Variants in TSEN15 observed in about 807,000 individuals in gnomAD.
TSEN15 encodes the protein tRNA-splicing endonuclease subunit Sen15.
TSEN15 carries 10 observed loss-of-function variants against 20.5 expected under a neutral mutation model. That is an observed-to-expected ratio of 0.49 (90% CI 0.30 to 0.83). The LOEUF is 0.83. Among genes scored for constraint, TSEN15 ranks in the 40% least tolerant of loss-of-function variants. The pLI is 0.06. For missense variants in TSEN15, 180 were observed against 218.6 expected (o/e 0.82, Z 1.11); for synonymous variants, 72 against 80.1 (o/e 0.90, Z 0.54).
chr1:184,082,288 T>A (rs1456805416), intron 3 of TSEN15, among the ~76,000 whole-genome samples: 1 of 152,152 alleles, frequency 6.6e-6, no homozygotes, highest in Non-Finnish European at 1.5e-5. Flanking sequence ...GGGTCTCTCA[T>A]GACTTTTTCT....
At chr1:184,053,151 G>T (rs1294257965) in intron 1 of TSEN15, among the ~76,000 whole-genome samples, 1 of 151,986 alleles carries the variant, frequency 6.6e-6, no homozygotes, top group Non-Finnish European at 1.5e-5. Flanking sequence ...CAAGTTAATG[G>T]CTGTATACAC....
chr1:184,086,921 G>A (rs1237227702), intron 3 of TSEN15, among the ~76,000 whole-genome samples: 1 of 152,110 alleles, frequency 6.6e-6, no homozygotes, highest in Non-Finnish European at 1.5e-5. Flanking sequence ...TTTTGAAAGG[G>A]GGGAGTATCA....
At chr1:184,083,367 A>G (rs1265136245) in intron 3 of TSEN15, among the ~76,000 whole-genome samples, 1 of 152,240 alleles carries the variant, frequency 6.6e-6, no homozygotes, top group African/African-American at 2.4e-5. Flanking sequence ...GTTCTGAGAA[A>G]TCAAAATAAG....
chr1:184,077,811 ATTG>A (rs1371436778), downstream of TSEN15, among the ~76,000 whole-genome samples: 1 of 152,180 alleles, frequency 6.6e-6, no homozygotes, highest in African/African-American at 2.4e-5. Flanking sequence ...ATGTAAATGG[ATTG>A]TTATAATTTC....
chr1:184,070,692 A>G, intron 3 of TSEN15: 1 of 1,285,466 alleles, frequency 7.8e-7, no homozygotes, highest in South Asian at 1.3e-5. Context: ...CAATTGTGAT[A>G]TGCTGCCTTT....
At chr1:184,074,700 CAACAAT>C (rs1651024140), downstream of TSEN15, among the ~76,000 whole-genome samples, 1 of 152,052 alleles carries the variant, frequency 6.6e-6, no homozygotes, top group African/African-American at 2.4e-5. Flanking sequence ...GATTAGGAAA[CAACAAT>C]AACAAGAATG....
At chr1:184,068,578 G>A (rs919989328) in intron 3 of TSEN15, among the ~76,000 whole-genome samples, 35 of 152,104 alleles carry the variant, frequency 2.3e-4, no homozygotes, top group African/African-American at 8.4e-4. Flanking sequence ...GGGGTGGATA[G>A]CTTCATTGTT....
intron 3 of TSEN15, among the ~76,000 whole-genome samples, chr1:184,092,443 A>C (rs1651377127): frequency 6.6e-6 from 1 of 152,234 alleles, no homozygotes; most frequent in Admixed American, 6.5e-5. Flanking sequence ...AAATAACTGC[A>C]GTGGAAGACA....
chr1:184,067,939 AAAATATATAT>A (rs1222160676), intron 3 of TSEN15, among the ~76,000 whole-genome samples: 2 of 113,464 alleles, frequency 1.8e-5, no homozygotes, highest in Admixed American at 9.9e-5. Context: ...AAAAAAAAAA[AAAATATATAT>A]ATATATATAT....
intron 3 of TSEN15, chr1:184,095,575 T>C: frequency 2.5e-6 from 1 of 395,442 alleles, no homozygotes; most frequent in Non-Finnish European, 4.5e-6. Flanking sequence ...ACAGGACTAA[T>C]ATTCTTATAA....
chr1:184,067,089 A>G (rs1337328277), intron 3 of TSEN15, among the ~76,000 whole-genome samples: 2 of 152,240 alleles, frequency 1.3e-5, no homozygotes, highest in Non-Finnish European at 2.9e-5. Flanking sequence ...ATATAGGAAT[A>G]CAGTGGACTT....
intron 3 of TSEN15, among the ~76,000 whole-genome samples, chr1:184,093,146 T>C (rs994602575): frequency 6.6e-6 from 1 of 152,224 alleles, no homozygotes; most frequent in African/African-American, 2.4e-5. Context: ...ACTGTTCTTT[T>C]CTCAGAGTGG....
intron 3 of TSEN15, among the ~76,000 whole-genome samples, chr1:184,066,102 T>A (rs567434089): frequency 1.4e-4 from 21 of 152,294 alleles, no homozygotes; most frequent in African/African-American, 4.8e-4. Flanking sequence ...CTAGAAGTTT[T>A]ATAGTTTTGC....
chr1:184,081,513 G>A (rs1041028320), intron 3 of TSEN15, among the ~76,000 whole-genome samples: 4 of 152,184 alleles, frequency 2.6e-5, no homozygotes, highest in Non-Finnish European at 5.9e-5. Context: ...CCTCAAGAAA[G>A]AGGGGAAGTG....
rs181137875 is a variant in TSEN15, at chr1:184,054,533, T to G, written c.217+98T>G. On this transcript the variant is annotated intron_variant, in intron 2 of 4. Coordinates refer to ENST00000645668, the MANE Select transcript of TSEN15 (RefSeq NM_052965.4). ...CATTCTTAACATAATAAGCAATCTT[T>G]TATGCATTTGCTGTTAATTTTGCAA... 7.6e-6 allele frequency: 9 copies of G among 1,186,120 alleles called. No homozygotes were observed. The East Asian group carries it at 2.1e-4, about 28-fold the overall frequency. The allele number at this position is 1,186,120 out of a possible 1,614,324, so 73.5% of individuals were successfully genotyped here.
intron 3 of TSEN15, among the ~76,000 whole-genome samples, chr1:184,069,355 A>G (rs1650802161): frequency 6.6e-6 from 1 of 152,104 alleles, no homozygotes. Flanking sequence ...TATATTTTTC[A>G]TAGGTTGATT....
chr1:184,075,251 C>G (rs17572532), downstream of TSEN15, among the ~76,000 whole-genome samples: 22,011 of 152,032 alleles, frequency 0.14, 1,887 homozygotes, highest in Non-Finnish European at 0.19. Flanking sequence ...TGTACTTCAC[C>G]AAAGTTGTTC....
intron 3 of TSEN15, chr1:184,094,190 G>T (rs1176321813): frequency 6.6e-6 from 1 of 152,102 alleles, no homozygotes; most frequent in Non-Finnish European, 1.5e-5. Flanking sequence ...TACATATGAG[G>T]AAAATAAGAC....
chr1:184,075,550 C>T (rs182837867), downstream of TSEN15, among the ~76,000 whole-genome samples: 210 of 152,096 alleles, frequency 1.4e-3, 3 homozygotes, highest in African/African-American at 4.7e-3. Flanking sequence ...TGATTATAGC[C>T]GTGTCTGATT....
Sources: allele counts gnomAD v4.1 joint callset (sites outside exome capture counted in the v4.1 genomes callset), GRCh38; gene constraint gnomAD v4.1.1; transcripts MANE v1.5; gene names NCBI Gene and HGNC (gene_info 2026-07-23, HGNC 2026-07-21).